The following RAD54B variants were observed in gnomAD, a reference collection of about 807,000 sequenced individuals.
RAD54B encodes DNA repair and recombination protein RAD54B.
A neutral mutation model predicts 95.8 loss-of-function variants in RAD54B; 78 were observed. That is an observed-to-expected ratio of 0.81 (90% CI 0.68 to 0.98). The LOEUF (loss-of-function observed/expected upper bound fraction) is 0.98. Ranked by LOEUF, RAD54B falls within the 50% of genes least tolerant of loss-of-function variation. The pLI, the probability that RAD54B is intolerant of heterozygous loss-of-function variation, is 0.00. For missense variants in RAD54B, 957 were observed against 1,056.6 expected, an observed-to-expected ratio of 0.91 and a Z score of 1.31; for synonymous variants, 328 against 354.9, an observed-to-expected ratio of 0.92 and a Z score of 0.85.
At chr8:94,430,172 G>A in intron 3 of RAD54B, 2 of 593,970 alleles carry the variant, frequency 3.4e-6, no homozygotes, top group Non-Finnish European at 4.2e-6. Flanking sequence ...AATTAGCCAG[G>A]CATGGTGGTG....
chr8:94,403,677 C>CAA (rs767425284), intron 6 of RAD54B, among the ~76,000 whole-genome samples: 1 of 131,878 alleles, frequency 7.6e-6, no homozygotes, highest in East Asian at 2.2e-4. Context: ...ACTCCGTCTC[C>CAA]AAAAAAAAAA....
intron 5 of RAD54B, among the ~76,000 whole-genome samples, chr8:94,406,197 C>T (rs546400491): frequency 2.6e-3 from 395 of 152,200 alleles, no homozygotes; most frequent in African/African-American, 9.1e-3. Context: ...CCACGTTTTA[C>T]ACATGAGTAG....
Position 94,407,580 on chromosome 8 carries a change from TTCC to T in RAD54B, c.637_639del (p.Gly213del). The stretch of plus-strand genomic sequence containing the variant: ...TGAGAAGAATGCGAGATAGCAGTAC[TTCC>T]TCCTCCAAGCTGAAAACACCTGCCA... On this transcript the variant is annotated inframe_deletion, in exon 5 of 15. Coordinates refer to ENST00000336148, the MANE Select transcript of RAD54B (RefSeq NM_012415.3). The T allele has an allele frequency of 6.2e-7, 1 of 1,614,054 alleles. No homozygotes were observed. Among genetic ancestry groups the T allele is most frequent in the Non-Finnish European group, 8.5e-7 (1 of 1,179,962 alleles).
intron 8 of RAD54B, among the ~76,000 whole-genome samples, chr8:94,394,369 T>C (rs1811095010): frequency 6.6e-6 from 1 of 152,026 alleles, no homozygotes; most frequent in Non-Finnish European, 1.5e-5. Flanking sequence ...TATAGCTGTG[T>C]GACTTTGGAC....
chr8:94,470,893 T>C (rs1439540805), intron 1 of RAD54B, among the ~76,000 whole-genome samples: 1 of 152,220 alleles, frequency 6.6e-6, no homozygotes, highest in Non-Finnish European at 1.5e-5. Context: ...TCTCTTCATA[T>C]ACCACCAAAA....
chr8:94,449,582 C>G (rs1279655934), intron 3 of RAD54B, among the ~76,000 whole-genome samples: 3 of 147,176 alleles, frequency 2.0e-5, no homozygotes, highest in Non-Finnish European at 4.5e-5. Flanking sequence ...GCACTCCAGC[C>G]TGGGTGACAG....
intron 3 of RAD54B, among the ~76,000 whole-genome samples, chr8:94,449,013 C>T (rs1191381540): frequency 1.3e-5 from 2 of 150,344 alleles, no homozygotes; most frequent in Non-Finnish European, 3.0e-5. Context: ...TATATATGTA[C>T]GTGTGTGCAC....
In RAD54B at chr8:94,411,155, T is replaced by C. The variant is rs762732325; in HGVS notation, c.465A>G (p.Ile155Met). Residue 155 changes from isoleucine to methionine, a missense_variant, in exon 4 of 15, where the codon ATA becomes ATG. Coordinates refer to ENST00000336148, the MANE Select transcript of RAD54B (RefSeq NM_012415.3). ...TGTCTTTGCCTTCCAAATTCTTTAA[T>C]ATAAATGACTTTCCTTTTACAATAA... ...AVLIVKGKSFILKNLEGKDIG... is the reference protein window; with the variant it reads ...AVLIVKGKSFMLKNLEGKDIG... 6.8e-6 allele frequency: 11 copies of C among 1,609,736 alleles called. No homozygotes were observed. The South Asian group carries it at 1.0e-4, about 15-fold the overall frequency.
intron 3 of RAD54B, chr8:94,436,919 A>G (rs1812280462): frequency 6.8e-7 from 1 of 1,460,210 alleles, no homozygotes; most frequent in Admixed American, 2.8e-5. Flanking sequence ...TGCAGCCTTC[A>G]GCTCTGCTCA....
chr8:94,404,333 C>A, intron 5 of RAD54B, 94 bp from the exon 6 acceptor site: 1 of 1,249,280 alleles, frequency 8.0e-7, no homozygotes, highest in African/African-American at 1.5e-5. Context: ...AAATGTTTGC[C>A]ATCATTTGTG....
intron 12 of RAD54B, among the ~76,000 whole-genome samples, chr8:94,379,927 C>T (rs1810691294): frequency 6.6e-6 from 1 of 152,152 alleles, no homozygotes; most frequent in South Asian, 2.1e-4. Flanking sequence ...CTAGAACAAG[C>T]TTCTATATCT....
intron 12 of RAD54B, among the ~76,000 whole-genome samples, 161 bp from the exon 13 acceptor site, chr8:94,378,795 C>T (rs1810663709): frequency 6.6e-6 from 1 of 152,166 alleles, no homozygotes; most frequent in Admixed American, 6.5e-5. Context: ...TACTTCATAG[C>T]TTTTTCTTGG....
chr8:94,402,139 T>C (rs1371881890), intron 6 of RAD54B, among the ~76,000 whole-genome samples: 3 of 152,218 alleles, frequency 2.0e-5, no homozygotes, highest in Admixed American at 1.3e-4. Context: ...ATATCTGTGA[T>C]ACTATATGTT....
At position 94,458,429 on chromosome 8, in the gene RAD54B, G is replaced by T; in HGVS notation, c.143C>A (p.Ala48Glu). The T allele has an allele frequency of 1.3e-6, 2 of 1,578,462 alleles. No homozygotes were observed. Among genetic ancestry groups the T allele is most frequent in the Non-Finnish European group, 1.7e-6 (2 of 1,166,264 alleles). The change falls in exon 3 of 15, where the codon GCA becomes GAA. Residue 48 changes from alanine (A) to glutamate (E), a missense_variant. Ala to Glu is a moderately radical substitution (Grantham distance 107). Coordinates refer to ENST00000336148, the MANE Select transcript of RAD54B (RefSeq NM_012415.3). ...NPDIKLFEGV[A>E]INNTFLPSQN... Reference sequence around the variant, plus strand: ...TGACGGGAGAAAGGTGTTATTAATTGCAACACCCTAAAAGAAACAAATATA... The same window carrying T: ...TGACGGGAGAAAGGTGTTATTAATTTCAACACCCTAAAAGAAACAAATATA...
At chr8:94,409,000 GT>G (rs1386094301) in intron 4 of RAD54B, among the ~76,000 whole-genome samples, 81 of 144,704 alleles carry the variant, frequency 5.6e-4, no homozygotes, top group African/African-American at 1.1e-3. Context: ...TCACATACTG[GT>G]TTTTTTTTTT....
chr8:94,391,656 G>C lies in RAD54B; in HGVS notation c.1762C>G (p.Leu588Val). 1 of 1,613,744 alleles carries C rather than the reference G, an allele frequency of 6.2e-7. No individual in the cohort carries two copies. The highest frequency in any genetic ancestry group is 8.5e-7 in the Non-Finnish European group (1 of 1,179,942). ...NSPHLICIGA[L>V]KKLCNHPCLL... is the part of the protein sequence containing the mutation. ...CAGGGGTGATTGCACAGTTTTTTAA[G>C]AGCTCCTATACATATTAGATGGGGA... The change falls in exon 10 of 15, where the codon CTT becomes GTT. Residue 588 changes from leucine (L) to valine (V), a missense_variant. Leu to Val is a conservative substitution (Grantham distance 32). Transcript: ENST00000336148.
intron 3 of RAD54B, among the ~76,000 whole-genome samples, chr8:94,438,148 G>A (rs1812314589): frequency 6.6e-6 from 1 of 152,208 alleles, no homozygotes; most frequent in Admixed American, 6.5e-5. Flanking sequence ...CCAGGGAACT[G>A]TAGTTCCACA....
rs556109698 is a variant in RAD54B at position 94,432,720 on chromosome 8, CATA to C, written c.305-21408_305-21406del. The C allele has an allele frequency of 9.8e-5, 135 of 1,380,416 alleles. No homozygotes were observed. In the African/African-American group the frequency reaches 1.8e-3, roughly 19 times the overall value. The allele number at this position is 1,380,416 out of a possible 1,614,324, so 85.5% of individuals were successfully genotyped here. A position where few individuals can be genotyped will look rare whatever the true frequency, so the allele number is the denominator to read the frequency against. ...ATGAAGAAAAAGTGTATATTTATAGCATAATTTTAATTTAATGTACATTAAATG... is the reference window on the plus strand; with the variant it reads ...ATGAAGAAAAAGTGTATATTTATAGCATTTTAATTTAATGTACATTAAATG... On this transcript the variant is annotated intron_variant, in intron 3 of 14. Coordinates refer to ENST00000336148, the MANE Select transcript of RAD54B (RefSeq NM_012415.3).
intron 3 of RAD54B, among the ~76,000 whole-genome samples, chr8:94,423,149 C>T (rs112893998): frequency 6.6e-5 from 10 of 151,974 alleles, no homozygotes; most frequent in South Asian, 2.1e-4. Context: ...TTTGGGAGGC[C>T]GAGGCAGGCT....
Sources: allele counts gnomAD v4.1 joint callset (sites outside exome capture counted in the v4.1 genomes callset), GRCh38; gene constraint gnomAD v4.1.1; transcripts MANE v1.5; gene names NCBI Gene and HGNC (gene_info 2026-07-23, HGNC 2026-07-21).